CACNA2D3: variants seen among roughly 807,000 people sequenced by gnomAD.
CACNA2D3 encodes the protein calcium voltage-gated channel auxiliary subunit alpha2delta 3.
Under a neutral mutation model 160.6 loss-of-function variants are expected in CACNA2D3, and 60 were observed. That is an observed-to-expected ratio of 0.37 (90% CI 0.30 to 0.46). The LOEUF (loss-of-function observed/expected upper bound fraction) is 0.46. Among genes scored for constraint, CACNA2D3 ranks in the 20% least tolerant of loss-of-function variants. The pLI is 1.00. For synonymous variants in CACNA2D3, 558 were observed against 492.9 expected, an observed-to-expected ratio of 1.13 and a Z score of -1.75; for missense variants, 1,205 against 1,365.0, an observed-to-expected ratio of 0.88 and a Z score of 1.85.
At chr3:54,806,590 G>A (rs1382238518) in intron 13 of CACNA2D3, among the ~76,000 whole-genome samples, 1 of 152,086 alleles carries the variant, frequency 6.6e-6, no homozygotes, top group Non-Finnish European at 1.5e-5. Context: ...CATGCTCATG[G>A]GTAGGAAGAA....
chr3:54,937,153 C>T (rs1701349788), intron 27 of CACNA2D3, among the ~76,000 whole-genome samples: 1 of 152,170 alleles, frequency 6.6e-6, no homozygotes, highest in African/African-American at 2.4e-5. Context: ...AAGGTGTGCT[C>T]AAGGGACTCT....
At chr3:54,321,170 A>G (rs1338278482) in intron 3 of CACNA2D3, among the ~76,000 whole-genome samples, 1 of 152,062 alleles carries the variant, frequency 6.6e-6, no homozygotes, top group African/African-American at 2.4e-5. Flanking sequence ...AAATATAAAA[A>G]TTAGCCGGGT....
intron 3 of CACNA2D3, among the ~76,000 whole-genome samples, chr3:54,324,422 A>G (rs1704077715): frequency 6.6e-6 from 1 of 152,238 alleles, no homozygotes; most frequent in African/African-American, 2.4e-5. Context: ...GTAATGGACT[A>G]TATGTAACTT....
chr3:54,860,690 T>C, intron 17 of CACNA2D3, among the ~76,000 whole-genome samples: 1 of 152,154 alleles, frequency 6.6e-6, no homozygotes, highest in Non-Finnish European at 1.5e-5. Flanking sequence ...AGGATACATC[T>C]CAAGTAGGCA....
At chr3:54,825,260 T>C (rs926413421) in intron 14 of CACNA2D3, among the ~76,000 whole-genome samples, 3 of 152,148 alleles carry the variant, frequency 2.0e-5, no homozygotes, top group African/African-American at 7.2e-5. Context: ...AACACCCTTC[T>C]TCCTTCTACA....
intron 35 of CACNA2D3, among the ~76,000 whole-genome samples, chr3:55,065,556 C>A (rs1704615231): frequency 1.3e-5 from 2 of 152,052 alleles, no homozygotes; most frequent in Non-Finnish European, 2.9e-5. Context: ...GGTCCCAGCT[C>A]CTTGGGAGAC....
chr3:54,855,000 G>A (rs1699136608), intron 17 of CACNA2D3, among the ~76,000 whole-genome samples: 2 of 152,166 alleles, frequency 1.3e-5, no homozygotes, highest in South Asian at 4.1e-4. Flanking sequence ...TTATTCAACT[G>A]AAAGAATGTT....
intron 13 of CACNA2D3, among the ~76,000 whole-genome samples, chr3:54,775,459 C>G (rs989446884): frequency 6.6e-6 from 1 of 152,170 alleles, no homozygotes; most frequent in African/African-American, 2.4e-5. Context: ...CAGGGAGACT[C>G]TGAAGCATTG....
At chr3:54,683,087 C>T (rs1700384685) in intron 11 of CACNA2D3, among the ~76,000 whole-genome samples, 1 of 152,126 alleles carries the variant, frequency 6.6e-6, no homozygotes, top group Non-Finnish European at 1.5e-5. Flanking sequence ...CACACCCCCT[C>T]TACAAAGTTT....
At chr3:54,814,992 A>G (rs1436528148) in intron 13 of CACNA2D3, among the ~76,000 whole-genome samples, 7 of 152,180 alleles carry the variant, frequency 4.6e-5, no homozygotes, top group Non-Finnish European at 1.0e-4. Context: ...AAGAAAATAT[A>G]CATTTTTCAT....
rs150760140 is a variant in CACNA2D3, at chr3:54,786,574, C to G, written c.1380+22223C>G. The stretch of plus-strand genomic sequence containing the variant: ...TGAATCATGCCCAAGTCTCTCATGT[C>G]CACAGTCTTCCTTGGCCTAGGCTTT... On this transcript the variant is annotated intron_variant, in intron 13 of 37. Coordinates refer to ENST00000474759, the MANE Select transcript of CACNA2D3 (RefSeq NM_018398.3). Among the ~76,000 whole-genome samples the G allele has an allele frequency of 4.5e-3, 684 of 152,250 alleles. 8 individuals carry two copies. The highest frequency in any genetic ancestry group is 0.015 in the African/African-American group (643 of 41,542).
At chr3:54,688,457 A>G (rs893737790) in intron 11 of CACNA2D3, among the ~76,000 whole-genome samples, 1 of 152,080 alleles carries the variant, frequency 6.6e-6, no homozygotes, top group Non-Finnish European at 1.5e-5. Context: ...GAATGAATGA[A>G]CAAATGAAGG....
At chr3:54,691,016 G>A (rs1700560767) in intron 11 of CACNA2D3, among the ~76,000 whole-genome samples, 1 of 152,084 alleles carries the variant, frequency 6.6e-6, no homozygotes, top group Non-Finnish European at 1.5e-5. Context: ...TTTTGGTTGA[G>A]CTTTTCTCTG....
Position 54,906,029 on chromosome 3 carries a change from A to T in CACNA2D3, c.2449+6161A>T, listed in dbSNP as rs1176260465. Reference sequence around the variant, plus strand: ...GTCAGGCGATTGTCAATTGATGACAAGGGCACTGTTGGCATCGATGTCCAG... The same window carrying T: ...GTCAGGCGATTGTCAATTGATGACATGGGCACTGTTGGCATCGATGTCCAG... On this transcript the variant is annotated intron_variant, in intron 27 of 37. Transcript: ENST00000474759. Among the ~76,000 whole-genome samples the T allele has an allele frequency of 2.0e-5, 3 of 152,160 alleles. No individual in the cohort carries two copies. In the East Asian group the frequency reaches 5.8e-4, roughly 29 times the overall value.
chr3:54,513,011 T>C (rs1036880793), intron 5 of CACNA2D3, among the ~76,000 whole-genome samples: 1 of 152,066 alleles, frequency 6.6e-6, no homozygotes, highest in African/African-American at 2.4e-5. Flanking sequence ...GTGAGAGTTA[T>C]TCACTATCAT....
chr3:54,959,901 A>G (rs1240935070), intron 27 of CACNA2D3, among the ~76,000 whole-genome samples: 2 of 152,162 alleles, frequency 1.3e-5, no homozygotes, highest in African/African-American at 4.8e-5. Context: ...GTCTGGAAAA[A>G]TGCTTCCAGA....
chr3:54,368,515 A>G (rs1405901687), intron 3 of CACNA2D3, among the ~76,000 whole-genome samples: 1 of 151,840 alleles, frequency 6.6e-6, no homozygotes, highest in Non-Finnish European at 1.5e-5. Flanking sequence ...GGAAAGGAGG[A>G]GAGAGAGTGA....
chr3:54,808,896 C>G (rs372991333), intron 13 of CACNA2D3, among the ~76,000 whole-genome samples: 2 of 152,088 alleles, frequency 1.3e-5, no homozygotes, highest in South Asian at 2.1e-4. Context: ...CATACGCTAT[C>G]GGATTGGAGC....
At chr3:54,587,622 G>A (rs1044919216) in intron 9 of CACNA2D3, among the ~76,000 whole-genome samples, 1 of 151,968 alleles carries the variant, frequency 6.6e-6, no homozygotes, top group Non-Finnish European at 1.5e-5. Context: ...TATCAGGAAT[G>A]AAACAAGAGA....
Sources: allele counts gnomAD v4.1 joint callset (sites outside exome capture counted in the v4.1 genomes callset), GRCh38; gene constraint gnomAD v4.1.1; transcripts MANE v1.5; gene names NCBI Gene and HGNC (gene_info 2026-07-23, HGNC 2026-07-21).